Variants in GALK2 observed in about 807,000 individuals in gnomAD.
The protein encoded by GALK2 is N-acetylgalactosamine kinase.
In GALK2, 36 loss-of-function variants were observed where a neutral mutation model predicts 52.4. That is an observed-to-expected ratio of 0.69 (90% CI 0.53 to 0.91). The LOEUF (loss-of-function observed/expected upper bound fraction) is 0.91, where lower values mean the gene tolerates loss of function less well. Ranked by LOEUF, GALK2 falls within the 40% of genes least tolerant of loss-of-function variation. GALK2 has a pLI of 0.00. For missense variants in GALK2, 579 were observed against 559.1 expected (o/e 1.04, Z -0.36); for synonymous variants, 176 against 199.1 (o/e 0.88, Z 0.98).
chr15:49,230,363 G>T (rs2090433113), intron 3 of GALK2, among the ~76,000 whole-genome samples: 1 of 152,158 alleles, frequency 6.6e-6, no homozygotes. Flanking sequence ...TGGACCACTT[G>T]GGGTGTTTCT....
At chr15:49,247,614 G>A (rs1220858169) in intron 5 of GALK2, among the ~76,000 whole-genome samples, 1 of 152,118 alleles carries the variant, frequency 6.6e-6, no homozygotes, top group Non-Finnish European at 1.5e-5. Context: ...ATGTCTCCTT[G>A]GTGAAGTTAA....
At chr15:49,346,410 T>TCC (rs2041515028) in intron 3 of GALK2, among the ~76,000 whole-genome samples, 1 of 152,098 alleles carries the variant, frequency 6.6e-6, no homozygotes, top group African/African-American at 2.4e-5. Context: ...CAATCACCTT[T>TCC]CCCCACACCT....
intron 1 of GALK2, among the ~76,000 whole-genome samples, chr15:49,189,945 C>A (rs2086610641): frequency 1.3e-5 from 2 of 152,072 alleles, no homozygotes; most frequent in East Asian, 3.8e-4. Context: ...GGGTGGACTG[C>A]TATATTTTTT....
rs543004598 is a variant in GALK2 at position 49,313,289 on chromosome 15, T to C, written c.968-6315T>C. Among the ~76,000 whole-genome samples the C allele has an allele frequency of 5.9e-5, 9 of 152,358 alleles. No homozygotes were observed. The South Asian group carries it at 1.7e-3, about 28-fold the overall frequency. ...AAGAAGGCATCACCGTGGCTGGCTA[T>C]GGCACATGGGTTGTTTGTAATCTTT... On this transcript the variant is annotated intron_variant, in intron 8 of 9. Coordinates refer to ENST00000560031, the MANE Select transcript of GALK2 (RefSeq NM_002044.4).
At chr15:49,341,567 G>C (rs764079385) in intron 3 of GALK2, among the ~76,000 whole-genome samples, 1 of 152,124 alleles carries the variant, frequency 6.6e-6, no homozygotes, top group Non-Finnish European at 1.5e-5. Context: ...GCCCAGGCTG[G>C]TCTCAAACTC....
At chr15:49,356,993 A>G (rs1596474829) in intron 3 of GALK2, among the ~76,000 whole-genome samples, 2 of 151,216 alleles carry the variant, frequency 1.3e-5, no homozygotes, top group East Asian at 3.9e-4. Flanking sequence ...TACTGGGTAC[A>G]TAACGAAATG....
chr15:49,169,991 A>G (rs1047151396), upstream of GALK2: 1 of 284,694 alleles, frequency 3.5e-6, no homozygotes, highest in Non-Finnish European at 6.8e-6. Context: ...TCTGACATCC[A>G]CAGGGCGCAA....
intron 5 of GALK2, among the ~76,000 whole-genome samples, chr15:49,265,075 C>G (rs111511332): frequency 1.3e-5 from 2 of 152,038 alleles, no homozygotes; most frequent in East Asian, 3.9e-4. Flanking sequence ...TCTCCAGCTG[C>G]GTGCTGGGAG....
At chr15:49,270,168 C>A (rs1177306923) in intron 5 of GALK2, among the ~76,000 whole-genome samples, 1 of 152,078 alleles carries the variant, frequency 6.6e-6, no homozygotes, top group African/African-American at 2.4e-5. Context: ...TTATACAATC[C>A]AAAATATTCA....
chr15:49,262,274 A>G (rs544375996), intron 5 of GALK2, among the ~76,000 whole-genome samples: 18 of 152,222 alleles, frequency 1.2e-4, no homozygotes, highest in East Asian at 9.7e-4. Context: ...CAGAGATTCA[A>G]CTTCTTCCTG....
downstream of GALK2, among the ~76,000 whole-genome samples, chr15:49,334,983 C>T (rs913002063): frequency 6.6e-6 from 1 of 152,196 alleles, no homozygotes; most frequent in Admixed American, 6.5e-5. Context: ...TGCAAATGTT[C>T]CCCCAAGAAA....
At chr15:49,322,136 CCTTTT>C (rs1311497491) in intron 9 of GALK2, among the ~76,000 whole-genome samples, 1 of 152,046 alleles carries the variant, frequency 6.6e-6, no homozygotes, top group South Asian at 2.1e-4. Context: ...TGGAAGAGTA[CCTTTT>C]ATTTATCTTT....
chr15:49,202,947 T>G (rs1361163738), intron 2 of GALK2, among the ~76,000 whole-genome samples: 2 of 152,204 alleles, frequency 1.3e-5, no homozygotes, highest in African/African-American at 4.8e-5. Flanking sequence ...TTTTCCTGAT[T>G]ATTAGTGATG....
chr15:49,261,530 T>C (rs1249551334), intron 5 of GALK2, among the ~76,000 whole-genome samples: 1 of 152,186 alleles, frequency 6.6e-6, no homozygotes, highest in African/African-American at 2.4e-5. Flanking sequence ...CAATTTGACT[T>C]CCTCTTTTCC....
At chr15:49,350,585 C>G (rs1356959477) in intron 3 of GALK2, among the ~76,000 whole-genome samples, 2 of 152,126 alleles carry the variant, frequency 1.3e-5, no homozygotes, top group African/African-American at 4.8e-5. Flanking sequence ...TTCCACAAAA[C>G]TGAGCTTAAA....
intron 1 of GALK2, among the ~76,000 whole-genome samples, chr15:49,198,261 A>T (rs1171756091): frequency 3.9e-5 from 6 of 152,074 alleles, no homozygotes. Context: ...TGCAACCTCC[A>T]CCTGGGCCTG....
At chr15:49,237,449 GTTTTTTGTTTTTGT>G (rs896526637) in intron 4 of GALK2, among the ~76,000 whole-genome samples, 43 of 151,942 alleles carry the variant, frequency 2.8e-4, no homozygotes, top group East Asian at 1.9e-3. Flanking sequence ...ATAATACGTT[GTTTTTTGTTTTTGT>G]TTTTTTGTTT....
At chr15:49,181,535 A>C in intron 1 of GALK2, among the ~76,000 whole-genome samples, 2 of 119,378 alleles carry the variant, frequency 1.7e-5, no homozygotes, top group Admixed American at 1.0e-4. Flanking sequence ...ACAGAGTCTC[A>C]CTCTGTTGCC....
At chr15:49,273,811 A>G (rs1595917678) in intron 5 of GALK2, among the ~76,000 whole-genome samples, 1 of 152,324 alleles carries the variant, frequency 6.6e-6, no homozygotes, top group South Asian at 2.1e-4. Context: ...GAGAAAATAG[A>G]GAAAATATTT....
Sources: allele counts gnomAD v4.1 joint callset (sites outside exome capture counted in the v4.1 genomes callset), GRCh38; gene constraint gnomAD v4.1.1; transcripts MANE v1.5; gene names NCBI Gene and HGNC (gene_info 2026-07-23, HGNC 2026-07-21).